The following GSE1 variants were observed in gnomAD, a reference collection of about 807,000 sequenced individuals.
GSE1 encodes the protein Gse1 coiled-coil protein, also known as genetic suppressor element 1.
In GSE1, 32 loss-of-function variants were observed where a neutral mutation model predicts 112.6. The ratio of observed to expected loss-of-function variants is 0.28; its 90% CI spans 0.21 to 0.38. GSE1 has a LOEUF of 0.38. Ranked by LOEUF, GSE1 falls within the 10% of genes least tolerant of loss-of-function variation. GSE1 has a pLI of 1.00. For missense variants in GSE1, 2,348 were observed against 1,699.2 expected (o/e 1.38, Z -6.71); for synonymous variants, 1,115 against 735.6 (o/e 1.52, Z -8.35).
rs368871561 is a variant in GSE1 at position 85,666,470 on chromosome 16, A to G, written c.3130+123A>G. 899 of 861,578 alleles carry G rather than the reference A, an allele frequency of 1.0e-3. 5 individuals are homozygous for G. In the African/African-American group the frequency reaches 0.012, roughly 11 times the overall value. The allele number at this position is 861,578 out of a possible 1,614,324, so 53.4% of individuals were successfully genotyped here. A position where few individuals can be genotyped will look rare whatever the true frequency, so the allele number is the denominator to read the frequency against. On this transcript the variant is annotated intron_variant, in intron 13 of 15. Transcript: ENST00000253458. ...CAAGTTTTTATAAACTCCAATCACCAGAAGAAAATAATTTCGTTATTATGC... is the reference window on the plus strand; with the variant it reads ...CAAGTTTTTATAAACTCCAATCACCGGAAGAAAATAATTTCGTTATTATGC...
intron 2 of GSE1, among the ~76,000 whole-genome samples, chr16:85,398,932 C>A (rs1463564570): frequency 6.6e-6 from 1 of 152,060 alleles, no homozygotes; most frequent in African/African-American, 2.4e-5. Context: ...GAGTGTGTAT[C>A]CACATGCGTT....
At chr16:85,290,878 T>C (rs534113695) in intron 1 of GSE1, among the ~76,000 whole-genome samples, 13 of 152,144 alleles carry the variant, frequency 8.5e-5, no homozygotes, top group Non-Finnish European at 1.5e-4. Context: ...CAGGCCAGTG[T>C]GGGAGCCCCA....
intron 2 of GSE1, among the ~76,000 whole-genome samples, chr16:85,462,826 G>GCAGGATGCTGGGCA (rs2050009573): frequency 6.8e-6 from 1 of 146,332 alleles, no homozygotes; most frequent in Admixed American, 6.8e-5. Flanking sequence ...GGGGGGCGGC[G>GCAGGATGCTGGGCA]TGAGCGGCTG....
rs754947243 is a variant in GSE1, at chr16:85,665,115, C to T, written c.2745C>T (p.Ala915=). The change falls in exon 12 of 16, where the codon GCC becomes GCT. Residue 915 remains alanine, a synonymous_variant. Transcript: ENST00000253458. ...CAAACTCTCCGAGGGACAGTCCTGC[C>T]GTCTCCCTGAGTGGTAAGGGAAGGA... The part of the protein sequence containing the change: ...SLTNSPRDSP[A]VSLSEPATQQ... 4.0e-5 allele frequency: 64 copies of T among 1,600,738 alleles called. No individual in the cohort carries two copies. The highest frequency in any genetic ancestry group is 6.7e-5 in the Admixed American group (4 of 59,984).
At chr16:85,664,906 C>T (rs908637165) in intron 11 of GSE1, 109 bp from the exon 12 acceptor site, 19 of 725,788 alleles carry the variant, frequency 2.6e-5, no homozygotes, top group African/African-American at 1.4e-4. Flanking sequence ...TTTGGTTTTT[C>T]GGGCTTTAGT....
At position 85,675,731 on chromosome 16, in the gene GSE1, A is replaced by G. The variant is rs1393896894; in HGVS notation, c.*3192A>G. 6.6e-6 allele frequency: 1 copy of G among 152,252 alleles called. No individual in the cohort carries two copies. The highest frequency in any genetic ancestry group is 2.4e-5 in the African/African-American group (1 of 41,472). The allele number at this position is 152,252 out of a possible 1,614,324, so 9.4% of individuals were successfully genotyped here. On this transcript the variant is annotated 3_prime_UTR_variant, in exon 16 of 16. Coordinates refer to ENST00000253458, the MANE Select transcript of GSE1 (RefSeq NM_014615.5). ...CCACATGTTTCACACAAGTGTAGAA[A>G]ATGCCAGGGATCCACCACAAGATGG...
intron 1 of GSE1, among the ~76,000 whole-genome samples, chr16:85,182,449 C>G (rs965424731): frequency 2.0e-5 from 3 of 152,198 alleles, no homozygotes; most frequent in Non-Finnish European, 4.4e-5. Flanking sequence ...CGGCCTGGTC[C>G]CTGCAGGGGG....
intron 1 of GSE1, among the ~76,000 whole-genome samples, chr16:85,312,794 C>CAGG (rs959667616): frequency 5.9e-5 from 9 of 151,542 alleles, no homozygotes; most frequent in East Asian, 1.9e-4. Context: ...AGGAGCAGGG[C>CAGG]AGGAGGAGGA....
intron 1 of GSE1, among the ~76,000 whole-genome samples, chr16:85,206,033 CAG>C (rs1279804892): frequency 1.3e-5 from 2 of 152,222 alleles, no homozygotes; most frequent in South Asian, 2.1e-4. Flanking sequence ...GCCACCAGGA[CAG>C]GGGTTTGGAA....
At chr16:85,432,406 G>A (rs2049143277) in intron 2 of GSE1, among the ~76,000 whole-genome samples, 1 of 152,258 alleles carries the variant, frequency 6.6e-6, no homozygotes, top group South Asian at 2.1e-4. Flanking sequence ...ACGAGAGACT[G>A]GGTGGGAAGA....
At chr16:85,271,829 C>T (rs1014045736) in intron 1 of GSE1, among the ~76,000 whole-genome samples, 2 of 152,178 alleles carry the variant, frequency 1.3e-5, no homozygotes, top group Admixed American at 1.3e-4. Context: ...GTGATGGTTT[C>T]TTGGTGAAGC....
chr16:85,346,154 A>T (rs1223217152), intron 1 of GSE1, among the ~76,000 whole-genome samples: 1 of 101,836 alleles, frequency 9.8e-6, no homozygotes, highest in Non-Finnish European at 1.8e-5. Flanking sequence ...GGATGGATAG[A>T]TGGAGGGGCG....
chr16:85,669,601 C>G (rs1400206642), intron 14 of GSE1, among the ~76,000 whole-genome samples: 1 of 152,206 alleles, frequency 6.6e-6, no homozygotes, highest in East Asian at 1.9e-4. Context: ...AAGCAATACA[C>G]AGTGATTTTT....
Position 85,172,986 on chromosome 16 carries a change from C to G in GSE1, c.2283+1179C>G, listed in dbSNP as rs988277226. ...CTTTTCTACTGATGACAGCTTTGGACTTTCAAGCTGTCTTTGTGGCTTTGG... is the reference window on the plus strand; with the variant it reads ...CTTTTCTACTGATGACAGCTTTGGAGTTTCAAGCTGTCTTTGTGGCTTTGG... On this transcript the variant is annotated intron_variant, in intron 1 of 2. Coordinates refer to the GSE1 transcript ENST00000637419. 3.9e-5 allele frequency among the ~76,000 whole-genome samples: 6 copies of G among 152,352 alleles called. No homozygotes were observed. In the East Asian group the frequency reaches 7.7e-4, roughly 20 times the overall value.
chr16:85,569,300 G>A (rs2045885101), intron 1 of GSE1, among the ~76,000 whole-genome samples: 1 of 152,140 alleles, frequency 6.6e-6, no homozygotes. Flanking sequence ...GTGCTCTTGG[G>A]TAGATAGTAA....
chr16:85,598,167 G>GTTTTTTTTTT (rs973836177), intron 1 of GSE1, among the ~76,000 whole-genome samples: 10 of 71,550 alleles, frequency 1.4e-4, no homozygotes, highest in South Asian at 5.3e-4. Flanking sequence ...AGGTTTGGTT[G>GTTTTTTTTTT]TTTTTTTTTT....
rs185168803 is a variant in GSE1, at chr16:85,260,871, A to G, written c.2283+89064A>G. On this transcript the variant is annotated intron_variant, in intron 1 of 2. Transcript: ENST00000637419. Reference sequence around the variant, plus strand: ...GTGGCACTGAGGGCTCAGGGAGTCCATGGGTGGCCTCTGTGCCAGCATCCA... The same window carrying G: ...GTGGCACTGAGGGCTCAGGGAGTCCGTGGGTGGCCTCTGTGCCAGCATCCA... Among the ~76,000 whole-genome samples the G allele has an allele frequency of 3.6e-4, 55 of 152,358 alleles. No homozygotes were observed. In the East Asian group the frequency reaches 9.6e-3, roughly 27 times the overall value.
intron 2 of GSE1, among the ~76,000 whole-genome samples, chr16:85,456,420 A>G (rs768140171): frequency 1.3e-5 from 2 of 152,126 alleles, no homozygotes; most frequent in Non-Finnish European, 2.9e-5. Context: ...TCTGCCTTCC[A>G]GATTATGCTC....
intron 2 of GSE1, among the ~76,000 whole-genome samples, chr16:85,427,694 T>A (rs1223427739): frequency 1.3e-5 from 2 of 151,630 alleles, no homozygotes; most frequent in Non-Finnish European, 2.9e-5. Flanking sequence ...TAGCTGGGCG[T>A]GGTGGCATGC....
Sources: allele counts gnomAD v4.1 joint callset (sites outside exome capture counted in the v4.1 genomes callset), GRCh38; gene constraint gnomAD v4.1.1; transcripts MANE v1.5; gene names NCBI Gene and HGNC (gene_info 2026-07-23, HGNC 2026-07-21).